DST: variants seen among roughly 807,000 people sequenced by gnomAD.
DST encodes dystonin.
In DST, 253 loss-of-function variants were observed where a neutral mutation model predicts 875.2. That is an observed-to-expected ratio of 0.29 (90% CI 0.26 to 0.32). The LOEUF (loss-of-function observed/expected upper bound fraction) is 0.32. DST is among the 10% of genes least tolerant of loss of function. The probability of loss-of-function intolerance (pLI) is 1.00; values close to 1 mark genes in which losing one functional copy is unlikely to be tolerated. For synonymous variants in DST, 3,124 were observed against 3,197.1 expected (o/e 0.98, Z 0.77); for missense variants, 8,287 against 9,111.6 (o/e 0.91, Z 3.68).
chr6:56,473,259 G>A (rs796407960), intron 93 of DST, among the ~76,000 whole-genome samples: 17 of 152,234 alleles, frequency 1.1e-4, no homozygotes, highest in African/African-American at 3.9e-4. Flanking sequence ...CAATAGCTCC[G>A]ACATCATTTC....
At chr6:56,947,931 A>ATACTATGTTTTTTTCCTATACG in intron 2 of DST, among the ~76,000 whole-genome samples, 1 of 152,384 alleles carries the variant, frequency 6.6e-6, no homozygotes, top group Admixed American at 6.5e-5. Flanking sequence ...AACCCTATAC[A>ATACTATGTTTTTTTCCTATACG]TACTATGTTT....
At chr6:56,720,443 G>A (rs979215927) in intron 5 of DST, among the ~76,000 whole-genome samples, 7 of 151,308 alleles carry the variant, frequency 4.6e-5, no homozygotes, top group African/African-American at 1.5e-4. Flanking sequence ...TGGAGAGAAC[G>A]TCAGCAGATA....
chr6:56,623,473 G>A (rs1282648557), intron 36 of DST, among the ~76,000 whole-genome samples: 2 of 152,126 alleles, frequency 1.3e-5, no homozygotes, highest in Non-Finnish European at 2.9e-5. Flanking sequence ...CAAAGGAAGA[G>A]GGTTATAAAG....
intron 9 of DST, among the ~76,000 whole-genome samples, chr6:56,679,166 T>C (rs2099145020): frequency 1.3e-5 from 2 of 152,182 alleles, no homozygotes; most frequent in Admixed American, 1.3e-4. Flanking sequence ...CTGTTTGTCT[T>C]GTACTATATT....
At chr6:56,766,642 C>G (rs532994624) in intron 4 of DST, among the ~76,000 whole-genome samples, 55 of 152,114 alleles carry the variant, frequency 3.6e-4, no homozygotes, top group African/African-American at 1.2e-3. Context: ...GCAATTCTCC[C>G]GCTTCAGCTT....
intron 3 of DST, among the ~76,000 whole-genome samples, chr6:56,866,668 C>A (rs1014827848): frequency 6.6e-6 from 1 of 152,232 alleles, no homozygotes; most frequent in Admixed American, 6.5e-5. Flanking sequence ...CTTTCCCCCA[C>A]AGCACTTATT....
Position 56,603,913 on chromosome 6 carries a change from C to T in DST, c.10715G>A (p.Cys3572Tyr). 1 of 1,611,448 alleles carries T rather than the reference C, an allele frequency of 6.2e-7. No individual in the cohort carries two copies. Among genetic ancestry groups the T allele is most frequent in the Non-Finnish European group, 8.5e-7 (1 of 1,178,590 alleles). ...LPRDEKLKDL[C>Y]NDFPSHLECT... The stretch of plus-strand genomic sequence containing the variant: ...TTCCAAATGGCTTGGGAAATCATTA[C>T]ACAGATCCTTGAGCTTCTCATCTCT... The change falls in exon 40 of 104, where the codon TGT becomes TAT. Residue 3572 changes from cysteine (C) to tyrosine (Y), a missense_variant. By Grantham distance (194) the Cys-to-Tyr change is radical. Coordinates refer to ENST00000680361, the MANE Select transcript of DST (RefSeq NM_001374736.1).
intron 2 of DST, among the ~76,000 whole-genome samples, chr6:56,908,135 G>A (rs1797267352): frequency 6.7e-6 from 1 of 149,842 alleles, no homozygotes; most frequent in South Asian, 2.1e-4. Context: ...ACACATATAT[G>A]TATATATAAT....
chr6:56,599,828 T>C (rs2098426688), intron 45 of DST, among the ~76,000 whole-genome samples: 1 of 152,052 alleles, frequency 6.6e-6, no homozygotes, highest in Non-Finnish European at 1.5e-5. Context: ...AAATCCCCTT[T>C]AATATTTCCT....
In DST at chr6:56,508,456, A is replaced by G; in HGVS notation, c.19239+73T>C. ...AAATGTTAACAGAGTAACTCCTAACATTTACCCAAGGAATCTGGATTTCAT... is the reference window on the plus strand; with the variant it reads ...AAATGTTAACAGAGTAACTCCTAACGTTTACCCAAGGAATCTGGATTTCAT... On this transcript the variant is annotated intron_variant, in intron 75 of 103. Transcript: ENST00000680361. 6 of 1,245,288 alleles carry G rather than the reference A, an allele frequency of 4.8e-6. No homozygotes were observed. In the South Asian group the frequency reaches 7.7e-5, roughly 16 times the overall value. 77.1% of individuals were successfully genotyped at this position (1,245,288 alleles called of 1,614,324 possible).
intron 17 of DST, among the ~76,000 whole-genome samples, chr6:56,641,560 C>A (rs995009428): frequency 2.6e-5 from 4 of 152,126 alleles, no homozygotes; most frequent in African/African-American, 9.7e-5. Flanking sequence ...TGCACTCCAG[C>A]CTGGGTGAGA....
rs781153381 is a variant in DST, at chr6:56,603,256, G to A, written c.11106C>T (p.Asn3702=). ...TCTGTTTCGTTCTTTCTGAAGACAC[G>A]TTGCTGAGGGAAGAGAAGGCGGTCT... ...SLKTAFSSLS[N]VSSERTKQIM... is the part of the protein sequence containing the mutation. The change falls in exon 42 of 104, where the codon AAC becomes AAT. Residue 3702 remains asparagine, a synonymous_variant. Coordinates refer to ENST00000680361, the MANE Select transcript of DST (RefSeq NM_001374736.1). The A allele has an allele frequency of 4.9e-5, 79 of 1,608,502 alleles. No homozygotes were observed. The highest frequency in any genetic ancestry group is 6.0e-5 in the Non-Finnish European group (71 of 1,177,698).
At position 56,511,325 on chromosome 6, in the gene DST, A is replaced by G. The variant is rs1451445795; in HGVS notation, c.18652T>C (p.Leu6218=). The G allele has an allele frequency of 1.9e-6, 3 of 1,608,176 alleles. No homozygotes were observed. The highest frequency in any genetic ancestry group is 2.2e-5 in the East Asian group (1 of 44,724). ...MNKTGPQLLE[L]SPGEGFSIQE... The stretch of plus-strand genomic sequence containing the variant: ...ATAGAAAAGCCTTCCCCAGGGCTCA[A>G]TTCCAGTAACTGTGGCCCAGTTTTG... Residue 6218 remains leucine, a synonymous_variant, in exon 73 of 104, where the codon TTG becomes CTG. Coordinates refer to ENST00000680361, the MANE Select transcript of DST (RefSeq NM_001374736.1).
At chr6:56,655,292 C>T (rs1206805669) in intron 10 of DST, among the ~76,000 whole-genome samples, 1 of 151,618 alleles carries the variant, frequency 6.6e-6, no homozygotes, top group Admixed American at 6.6e-5. Context: ...AAAGGAAGTA[C>T]TTAGAAACAT....
chr6:56,951,158 T>C (rs967067914), intron 2 of DST, among the ~76,000 whole-genome samples: 2 of 152,216 alleles, frequency 1.3e-5, no homozygotes, highest in African/African-American at 4.8e-5. Flanking sequence ...CAATACATTC[T>C]GCCAAGTAGA....
chr6:56,720,266 T>C (rs185103888), intron 5 of DST, among the ~76,000 whole-genome samples: 177 of 152,166 alleles, frequency 1.2e-3, no homozygotes, highest in Admixed American at 2.8e-3. Context: ...AGAAGAGAAA[T>C]AGGCTCTGTT....
intron 50 of DST, among the ~76,000 whole-genome samples, chr6:56,575,607 T>C (rs2097852092): frequency 6.6e-6 from 1 of 152,170 alleles, no homozygotes; most frequent in South Asian, 2.1e-4. Flanking sequence ...AATTCATATA[T>C]TGGGGCCAAA....
chr6:56,950,326 A>G (rs1272458382), intron 2 of DST, among the ~76,000 whole-genome samples: 1 of 152,112 alleles, frequency 6.6e-6, no homozygotes, highest in Admixed American at 6.6e-5. Context: ...ATTTACCACT[A>G]TTCACTCTGG....
At chr6:56,749,773 T>C (rs1331368038) in intron 4 of DST, among the ~76,000 whole-genome samples, 1 of 152,156 alleles carries the variant, frequency 6.6e-6, no homozygotes, top group Non-Finnish European at 1.5e-5. Context: ...CAGGAATAAA[T>C]GGGTGGAGAA....
Sources: allele counts gnomAD v4.1 joint callset (sites outside exome capture counted in the v4.1 genomes callset), GRCh38; gene constraint gnomAD v4.1.1; transcripts MANE v1.5; gene names NCBI Gene and HGNC (gene_info 2026-07-23, HGNC 2026-07-21).